The following DGKI variants were observed in gnomAD, a reference collection of about 807,000 sequenced individuals.
DGKI encodes diacylglycerol kinase iota.
DGKI carries 55 observed loss-of-function variants against 147.5 expected under a neutral mutation model. The observed-to-expected ratio is 0.37, with a 90% CI of 0.30 to 0.47. The LOEUF is 0.47. Ranked by LOEUF, DGKI falls within the 20% of genes least tolerant of loss-of-function variation. The pLI is 1.00. For synonymous variants in DGKI, 469 were observed against 477.1 expected (o/e 0.98, Z 0.22); for missense variants, 1,007 against 1,323.8 (o/e 0.76, Z 3.71).
intron 28 of DGKI, among the ~76,000 whole-genome samples, chr7:137,415,169 A>C (rs1232929616): frequency 6.6e-6 from 1 of 152,158 alleles, no homozygotes; most frequent in South Asian, 2.1e-4. Flanking sequence ...GCGTTGAAGG[A>C]CAAGGAAGGA....
At chr7:137,638,632 G>GTATATATACACATATATACATATA (rs1563126028) in intron 6 of DGKI, among the ~76,000 whole-genome samples, 5 of 31,478 alleles carry the variant, frequency 1.6e-4, no homozygotes, top group African/African-American at 8.1e-4. Context: ...ATATATATGT[G>GTATATATACACATATATACATATA]TGTATATATG....
chr7:137,570,475 C>T (rs539782041), intron 19 of DGKI, among the ~76,000 whole-genome samples: 9 of 152,210 alleles, frequency 5.9e-5, no homozygotes, highest in East Asian at 5.8e-4. Flanking sequence ...ATAAGTAAGA[C>T]GGATATCCAC....
At position 137,846,538 on chromosome 7, in the gene DGKI, C is replaced by T. The variant is rs1357077964; in HGVS notation, c.325G>A (p.Ala109Thr). Residue 109 changes from alanine to threonine, a missense_variant, in exon 1 of 33, where the codon GCC becomes ACC. Coordinates refer to ENST00000614521, the MANE Select transcript of DGKI (RefSeq NM_001321708.2). This position sits in a 1 kb window ranked among gnomAD's most constrained non-coding sequence, Gnocchi z 4.0. ...GAAALDEPAA[A>T]GQKEKDEALE... is the part of the protein sequence containing the mutation. ...GCTTCGTCCTTCTCCTTCTGGCCGGCGGCCGCGGGCTCGTCCAGGGCAGCG... is the reference window on the plus strand; with the variant it reads ...GCTTCGTCCTTCTCCTTCTGGCCGGTGGCCGCGGGCTCGTCCAGGGCAGCG... 3.9e-6 allele frequency: 6 copies of T among 1,550,686 alleles called. No homozygotes were observed. The highest frequency in any genetic ancestry group is 4.3e-6 in the Non-Finnish European group (5 of 1,152,090).
intron 3 of DGKI, among the ~76,000 whole-genome samples, chr7:137,657,805 T>A (rs1822279960): frequency 2.6e-5 from 4 of 152,196 alleles, no homozygotes; most frequent in African/African-American, 9.7e-5. Context: ...GCCAGAGATT[T>A]GAAGAGCTGC....
chr7:137,635,471 G>T (rs1821276316), intron 6 of DGKI, among the ~76,000 whole-genome samples: 1 of 152,120 alleles, frequency 6.6e-6, no homozygotes, highest in Non-Finnish European at 1.5e-5. Context: ...CTTCTTCAGG[G>T]CCTCAGTCAG....
intron 22 of DGKI, 114 bp downstream of exon 22, chr7:137,487,496 C>A: frequency 1.1e-6 from 1 of 941,396 alleles, no homozygotes; most frequent in Non-Finnish European, 1.7e-6. Context: ...ACAAAGCCAC[C>A]ACATTTCCAC....
At chr7:137,825,295 C>T (rs1311035437) in intron 1 of DGKI, among the ~76,000 whole-genome samples, 2 of 152,120 alleles carry the variant, frequency 1.3e-5, no homozygotes, top group Non-Finnish European at 2.9e-5. Context: ...CATTTATAAA[C>T]CTAGGCTCCA....
At chr7:137,611,037 T>A (rs990021883) in intron 8 of DGKI, among the ~76,000 whole-genome samples, 22 of 152,312 alleles carry the variant, frequency 1.4e-4, no homozygotes, top group Admixed American at 1.2e-3. Context: ...TTGACTCTAC[T>A]TCCCCCTGAA....
chr7:137,622,840 TG>T (rs1221465760), intron 7 of DGKI, among the ~76,000 whole-genome samples: 2 of 151,820 alleles, frequency 1.3e-5, no homozygotes. Context: ...CTAAATAAAG[TG>T]GGAAAAAAGG....
intron 32 of DGKI, among the ~76,000 whole-genome samples, chr7:137,392,229 T>G (rs1811392342): frequency 6.6e-6 from 1 of 152,154 alleles, no homozygotes; most frequent in African/African-American, 2.4e-5. Flanking sequence ...CATATACACA[T>G]ATATTTGTAT....
chr7:137,499,379 C>G (rs1268502088), intron 21 of DGKI, among the ~76,000 whole-genome samples: 1 of 152,110 alleles, frequency 6.6e-6, no homozygotes, highest in African/African-American at 2.4e-5. Flanking sequence ...AAGGGACACT[C>G]AGATAGCTGG....
At chr7:137,446,959 A>G (rs1813741150) in intron 27 of DGKI, among the ~76,000 whole-genome samples, 1 of 152,202 alleles carries the variant, frequency 6.6e-6, no homozygotes, top group Non-Finnish European at 1.5e-5. Context: ...TTTTTCCTCC[A>G]TGTATACTTT....
chr7:137,553,680 C>T (rs1251353061), intron 19 of DGKI, among the ~76,000 whole-genome samples: 1 of 152,124 alleles, frequency 6.6e-6, no homozygotes, highest in Non-Finnish European at 1.5e-5. Flanking sequence ...TTTATATACA[C>T]ATGTGAACCT....
At chr7:137,781,958 A>C (rs2116891466) in intron 1 of DGKI, among the ~76,000 whole-genome samples, 1 of 152,334 alleles carries the variant, frequency 6.6e-6, no homozygotes, top group South Asian at 2.1e-4. Context: ...CTGTCAATTA[A>C]GATGGTGGAT....
intron 1 of DGKI, among the ~76,000 whole-genome samples, chr7:137,740,711 G>A (rs1339484334): frequency 2.0e-5 from 3 of 152,148 alleles, no homozygotes; most frequent in African/African-American, 7.2e-5. Flanking sequence ...TTTAACCAGG[G>A]AAATATCTCT....
At chr7:137,623,296 A>G (rs887106813) in intron 7 of DGKI, among the ~76,000 whole-genome samples, 187 bp downstream of exon 7, 1 of 152,206 alleles carries the variant, frequency 6.6e-6, no homozygotes, top group African/African-American at 2.4e-5. Flanking sequence ...TCTCTAGTGT[A>G]TCCCAGCTCA....
At position 137,846,159 on chromosome 7, in the gene DGKI, T is replaced by TCACACA. The variant is rs1445573422; in HGVS notation, c.401+302_401+303insTGTGTG. Among the ~76,000 whole-genome samples, 13 of 130,128 alleles carry TCACACA rather than the reference T, an allele frequency of 1.0e-4. No homozygotes were observed. The highest frequency in any genetic ancestry group is 4.7e-4 in the East Asian group (2 of 4,292). 85.4% of individuals were successfully genotyped at this position (130,128 alleles called of 152,430 possible). On this transcript the variant is annotated intron_variant, in intron 1 of 32. Coordinates refer to ENST00000614521, the MANE Select transcript of DGKI (RefSeq NM_001321708.2). This position sits in a 1 kb window ranked among gnomAD's most constrained non-coding sequence, Gnocchi z 4.0. ...TTCTCTCTCTCTCTCTCTCTCTCTC[T>TCACACA]CTCACACACACACACACACACACAC...
chr7:137,694,238 A>G (rs565296280), intron 1 of DGKI, among the ~76,000 whole-genome samples: 9 of 151,904 alleles, frequency 5.9e-5, no homozygotes, highest in African/African-American at 1.7e-4. Flanking sequence ...AGAGAATGGC[A>G]TGAACCCCAG....
chr7:137,551,986 C>T (rs1044904241), intron 20 of DGKI, among the ~76,000 whole-genome samples: 1 of 152,134 alleles, frequency 6.6e-6, no homozygotes, highest in Non-Finnish European at 1.5e-5. Flanking sequence ...ACTCTCCAAG[C>T]GACCTGGGTA....
Sources: allele counts gnomAD v4.1 joint callset (sites outside exome capture counted in the v4.1 genomes callset), GRCh38; gene constraint gnomAD v4.1.1; non-coding constraint Gnocchi (gnomAD v3.1); transcripts MANE v1.5; gene names NCBI Gene and HGNC (gene_info 2026-07-23, HGNC 2026-07-21).